DNAAF8: variants seen among roughly 807,000 people sequenced by gnomAD.
DNAAF8 encodes the protein dynein axonemal assembly factor 8.
In DNAAF8, 61 loss-of-function variants were observed where a neutral mutation model predicts 54.6. That is an observed-to-expected ratio of 1.12 (90% CI 0.91 to 1.38). The LOEUF (loss-of-function observed/expected upper bound fraction) is 1.38. Among genes scored for constraint, DNAAF8 ranks in the 40% most tolerant of loss-of-function variants. The pLI, the probability that DNAAF8 is intolerant of heterozygous loss-of-function variation, is 0.00. For synonymous variants in DNAAF8, 320 were observed against 270.1 expected (o/e 1.18, Z -1.81); for missense variants, 837 against 665.0 (o/e 1.26, Z -2.85).
intron 3 of DNAAF8, among the ~76,000 whole-genome samples, chr16:4,738,568 C>A (rs988170711): frequency 2.0e-5 from 3 of 152,212 alleles, no homozygotes; most frequent in African/African-American, 7.2e-5. Context: ...GAGTTTGAGA[C>A]CAGCCTGGGC....
intron 2 of DNAAF8, 109 bp downstream of exon 2, chr16:4,736,752 G>A: frequency 8.4e-7 from 1 of 1,196,304 alleles, no homozygotes; most frequent in African/African-American, 1.6e-5. Flanking sequence ...CTGCTGACCT[G>A]TGCAGTTTGT....
intron 5 of DNAAF8, chr16:4,743,922 C>G (rs1350258894): frequency 9.4e-6 from 1 of 106,024 alleles, no homozygotes; most frequent in Non-Finnish European, 1.9e-5. Context: ...AGAATGTATT[C>G]TTTTTTTTTT....
intron 1 of DNAAF8, among the ~76,000 whole-genome samples, chr16:4,735,618 C>A (rs546440231): frequency 6.6e-6 from 1 of 151,038 alleles, no homozygotes; most frequent in South Asian, 2.1e-4. Flanking sequence ...AATGCAGGGG[C>A]TGGTCAGAGT....
intron 4 of DNAAF8, 54 bp from the exon 5 acceptor site, chr16:4,742,989 T>C (rs1430579283): frequency 1.4e-6 from 2 of 1,395,126 alleles, no homozygotes; most frequent in Admixed American, 3.5e-5. Context: ...AGCAGGTACT[T>C]GTGCCTCTGG....
Position 4,747,553 on chromosome 16 carries a change from C to T in DNAAF8, c.1491C>T (p.Pro497=), listed in dbSNP as rs1185584953. 5 of 1,612,430 alleles carry T rather than the reference C, an allele frequency of 3.1e-6. No individual in the cohort carries two copies. Among genetic ancestry groups the T allele is most frequent in the Middle Eastern group, 1.8e-4 (1 of 5,674 alleles). The part of the protein sequence containing the change: ...SAQARLPRGR[P]RALGDVPEPG... ...AGGCTCGACTCCCAAGAGGCAGGCC[C>T]AGAGCCCTGGGGGATGTTCCTGAGC... is the stretch of plus-strand genomic sequence containing the variant. The change falls in exon 9 of 10, where the codon CCC becomes CCT. Residue 497 remains proline, a synonymous_variant. Coordinates refer to ENST00000299320, the MANE Select transcript of DNAAF8 (RefSeq NM_139170.3).
chr16:4,741,486 G>A (rs926216949), intron 4 of DNAAF8, among the ~76,000 whole-genome samples: 88 of 152,044 alleles, frequency 5.8e-4, no homozygotes, highest in African/African-American at 1.8e-3. Context: ...TGACAGTGCC[G>A]GTTTAATGAG....
chr16:4,737,928 T>G lies in DNAAF8; in HGVS notation c.258T>G (p.Ala86=). 4 of 1,614,222 alleles carry G rather than the reference T, an allele frequency of 2.5e-6. No homozygotes were observed. The highest frequency in any genetic ancestry group is 2.5e-6 in the Non-Finnish European group (3 of 1,180,040). The change falls in exon 3 of 10, where the codon GCT becomes GCG. Residue 86 remains alanine (A), a synonymous_variant. Transcript: ENST00000299320. ...AGTCCAGGGCCTGGGTCGCTGCAGCTGAAGAGTCCCTTCCCGAGGTCTGTG... is the reference window on the plus strand; with the variant it reads ...AGTCCAGGGCCTGGGTCGCTGCAGCGGAAGAGTCCCTTCCCGAGGTCTGTG... ...GDKSRAWVAA[A]EESLPEPVLV... is the part of the protein sequence containing the mutation.
chr16:4,743,608 G>C (rs1174137634), intron 5 of DNAAF8: 1 of 153,086 alleles, frequency 6.5e-6, no homozygotes. Flanking sequence ...TCATGGCTTT[G>C]CTCTGGGAAG....
chr16:4,743,236 T>A, intron 5 of DNAAF8, 76 bp downstream of exon 5: 2 of 1,095,846 alleles, frequency 1.8e-6, no homozygotes, highest in South Asian at 2.9e-5. Context: ...CACAGAGGGC[T>A]GCAGGCTGGT....
intron 4 of DNAAF8, among the ~76,000 whole-genome samples, chr16:4,742,394 A>C (rs1419397381): frequency 6.6e-6 from 1 of 151,892 alleles, no homozygotes; most frequent in Non-Finnish European, 1.5e-5. Context: ...ATCTCTACTA[A>C]AAACACAAAA....
chr16:4,747,112 G>C (rs1321886816), intron 8 of DNAAF8, 87 bp downstream of exon 8: 1 of 1,344,646 alleles, frequency 7.4e-7, no homozygotes, highest in Non-Finnish European at 1.0e-6. Flanking sequence ...TTTACCGCCT[G>C]TGGTGAGGTC....
intron 4 of DNAAF8, among the ~76,000 whole-genome samples, chr16:4,741,714 G>T (rs1406536746): frequency 6.6e-6 from 1 of 151,928 alleles, no homozygotes; most frequent in East Asian, 1.9e-4. Context: ...CAGGAGAATC[G>T]CTTGAACCCA....
chr16:4,738,618 C>G (rs2081922453), intron 3 of DNAAF8, among the ~76,000 whole-genome samples: 2 of 152,126 alleles, frequency 1.3e-5, no homozygotes. Context: ...CACAGTGGCT[C>G]ACGCCTGTAA....
At position 4,748,917 on chromosome 16, in the gene DNAAF8, C is replaced by G. The variant is rs572965950; in HGVS notation, c.*202C>G. The G allele has an allele frequency of 1.4e-4, 21 of 152,438 alleles. No homozygotes were observed. Among genetic ancestry groups the G allele is most frequent in the African/African-American group, 5.0e-4 (21 of 41,596 alleles). The allele number at this position is 152,438 out of a possible 1,614,324, so 9.4% of individuals were successfully genotyped here. ...GGGTCTCTTCTCATCAAGCCTTGTA[C>G]CAGGCAAAAGACAGGCCCTGCTTGG... On this transcript the variant is annotated 3_prime_UTR_variant, in exon 10 of 10. Transcript: ENST00000299320.
rs777884279 is a variant in DNAAF8, at chr16:4,737,807, A to G, written c.137A>G (p.Tyr46Cys). ...SLDSDSPLSD[Y>C]GEEELFIFQR... Reference sequence around the variant, plus strand: ...CCTCTCATTTGTCCACAGTCGGACTATGGGGAAGAGGAGCTGTTCATCTTC... The same window carrying G: ...CCTCTCATTTGTCCACAGTCGGACTGTGGGGAAGAGGAGCTGTTCATCTTC... The change falls in exon 3 of 10, where the codon TAT (tyrosine) becomes TGT (cysteine). Residue 46 changes from tyrosine to cysteine, a missense_variant. Physicochemically the swap from Tyr to Cys is radical, Grantham distance 194 (BLOSUM62 -2). Coordinates refer to ENST00000299320, the MANE Select transcript of DNAAF8 (RefSeq NM_139170.3). 60 of 1,614,000 alleles carry G rather than the reference A, an allele frequency of 3.7e-5. No individual in the cohort carries two copies. Among genetic ancestry groups the G allele is most frequent in the Non-Finnish European group, 4.7e-5 (56 of 1,179,984 alleles).
chr16:4,747,776 C>G (rs1374435276), intron 9 of DNAAF8, 142 bp downstream of exon 9: 1 of 976,142 alleles, frequency 1.0e-6, no homozygotes, highest in African/African-American at 1.7e-5. Flanking sequence ...GTTGCCCACC[C>G]TGTTAGAGCT....
intron 3 of DNAAF8, among the ~76,000 whole-genome samples, chr16:4,738,205 G>C (rs1053359262): frequency 6.6e-6 from 1 of 152,008 alleles, no homozygotes; most frequent in South Asian, 2.1e-4. Flanking sequence ...CTTCTTGATC[G>C]CTCCTATCCT....
chr16:4,740,199 A>G lies in DNAAF8; in HGVS notation c.323A>G (p.Gln108Arg). 5.6e-6 allele frequency: 9 copies of G among 1,614,004 alleles called. No homozygotes were observed. The highest frequency in any genetic ancestry group is 6.8e-6 in the Non-Finnish European group (8 of 1,179,886). Residue 108 changes from glutamine to arginine, a missense_variant, in exon 4 of 10, where the codon CAG (glutamine) becomes CGG (arginine). By Grantham distance (43) the Gln-to-Arg change is conservative. Coordinates refer to ENST00000299320, the MANE Select transcript of DNAAF8 (RefSeq NM_139170.3). The stretch of plus-strand genomic sequence containing the variant: ...TTGGCCACAGAACCTGGGTGCAGAC[A>G]GAACACAAGGACAAAGGATGCATCC... ...AELATEPGCR[Q>R]NTRTKDASSQ... is the part of the protein sequence containing the mutation.
At chr16:4,745,088 C>T in intron 6 of DNAAF8, 77 bp downstream of exon 6, 5 of 1,525,474 alleles carry the variant, frequency 3.3e-6, no homozygotes, top group East Asian at 2.3e-5. Flanking sequence ...ACTGGGCCTA[C>T]CAAGGGCGGG....
Sources: gnomAD v4.1 joint callset for allele counts (sites outside exome capture counted in the v4.1 genomes callset) on GRCh38, gnomAD v4.1.1 for gene constraint, MANE v1.5 for transcripts, NCBI Gene and HGNC (gene_info 2026-07-23, HGNC 2026-07-21) for gene names.